Variants in LDAH observed in about 807,000 individuals in gnomAD.
LDAH encodes lipid droplet-associated hydrolase.
Under a neutral mutation model 29.6 loss-of-function variants are expected in LDAH, and 26 were observed. The ratio of observed to expected loss-of-function variants is 0.88; its 90% CI spans 0.64 to 1.22. The LOEUF is 1.22. LDAH is among the 50% of genes most tolerant of loss of function. The pLI is 0.00. For synonymous variants in LDAH, 117 were observed against 133.0 expected (o/e 0.88, Z 0.83); for missense variants, 344 against 387.3 (o/e 0.89, Z 0.94).
chr2:20,803,451 C>T (rs1671860631), intron 1 of LDAH, among the ~76,000 whole-genome samples: 2 of 152,302 alleles, frequency 1.3e-5, no homozygotes, highest in Admixed American at 6.5e-5. Flanking sequence ...ACTGTCCTGC[C>T]CCAAGCTGTA....
Position 20,783,049 on chromosome 2 carries a change from T to C in LDAH, c.298+7206A>G, listed in dbSNP as rs138362248. Among the ~76,000 whole-genome samples, 366 of 152,354 alleles carry C rather than the reference T, an allele frequency of 2.4e-3. 1 individual carries two copies. The highest frequency in any genetic ancestry group is 4.0e-3 in the Non-Finnish European group (270 of 68,016). ...TTTTATTTTGCTCAAAGTATTTTTATGTTACTCTTCAGACTTCACTGACCC... is the reference window on the plus strand; with the variant it reads ...TTTTATTTTGCTCAAAGTATTTTTACGTTACTCTTCAGACTTCACTGACCC... On this transcript the variant is annotated intron_variant, in intron 3 of 6. Transcript: ENST00000237822.
At chr2:20,690,106 G>T (rs1435230046) in intron 6 of LDAH, among the ~76,000 whole-genome samples, 1 of 152,180 alleles carries the variant, frequency 6.6e-6, no homozygotes, top group Non-Finnish European at 1.5e-5. Context: ...GAGAAGTCCA[G>T]CTTGATAAGC....
chr2:20,774,302 G>C (rs1669639992), intron 4 of LDAH, among the ~76,000 whole-genome samples: 1 of 152,158 alleles, frequency 6.6e-6, no homozygotes, highest in Admixed American at 6.5e-5. Flanking sequence ...TTGTGAATAT[G>C]TGTCTCAAAA....
intron 2 of LDAH, among the ~76,000 whole-genome samples, chr2:20,792,967 T>A (rs1671075640): frequency 6.6e-6 from 1 of 152,172 alleles, no homozygotes. Context: ...GTTTTCTCCC[T>A]ATCTCTGGGA....
At chr2:20,755,117 G>C (rs1185731596) in intron 4 of LDAH, among the ~76,000 whole-genome samples, 3 of 114,554 alleles carry the variant, frequency 2.6e-5, no homozygotes, top group Non-Finnish European at 1.8e-5. Flanking sequence ...AAGAAATATT[G>C]TGTGTCTGTG....
chr2:20,783,526 A>T (rs1670346650), intron 3 of LDAH, among the ~76,000 whole-genome samples: 1 of 152,142 alleles, frequency 6.6e-6, no homozygotes, highest in African/African-American at 2.4e-5. Context: ...TGGTTCTATT[A>T]TCATTATGTA....
intron 4 of LDAH, among the ~76,000 whole-genome samples, chr2:20,751,844 T>C (rs1667995592): frequency 6.6e-6 from 1 of 152,218 alleles, no homozygotes; most frequent in Non-Finnish European, 1.5e-5. Flanking sequence ...GAGTGGGATA[T>C]AAAAGAAACA....
intron 5 of LDAH, among the ~76,000 whole-genome samples, chr2:20,702,561 C>T (rs1177197445): frequency 2.0e-5 from 3 of 152,122 alleles, no homozygotes; most frequent in Admixed American, 2.0e-4. Context: ...TTATTTCTGC[C>T]TCTTATCTTT....
chr2:20,731,345 T>C (rs111580768), intron 5 of LDAH, among the ~76,000 whole-genome samples: 3,750 of 152,250 alleles, frequency 0.025, 163 homozygotes, highest in African/African-American at 0.086. Context: ...GTGGCACCTC[T>C]CCCACTTGTC....
chr2:20,813,379 C>T (rs1440618713), intron 1 of LDAH, among the ~76,000 whole-genome samples: 1 of 152,148 alleles, frequency 6.6e-6, no homozygotes, highest in Non-Finnish European at 1.5e-5. Context: ...ATTTTGCTTT[C>T]ATACTTAATA....
At chr2:20,746,252 G>C (rs145480098) in intron 4 of LDAH, among the ~76,000 whole-genome samples, 416 of 152,302 alleles carry the variant, frequency 2.7e-3, no homozygotes, top group African/African-American at 9.4e-3. Context: ...TCAGCTGGCA[G>C]AAACAGGAAA....
intron 5 of LDAH, 53 bp from the exon 6 acceptor site, chr2:20,701,705 A>G: frequency 1.4e-6 from 2 of 1,463,708 alleles, no homozygotes; most frequent in Non-Finnish European, 1.9e-6. Flanking sequence ...AACAAACACA[A>G]ATTTCAAATT....
chr2:20,702,526 G>C (rs1664018646), intron 5 of LDAH, among the ~76,000 whole-genome samples: 1 of 152,094 alleles, frequency 6.6e-6, no homozygotes, highest in South Asian at 2.1e-4. Context: ...CAGTCATCTT[G>C]CTTTATATAC....
At chr2:20,820,970 C>T (rs1267463202) in intron 1 of LDAH, among the ~76,000 whole-genome samples, 3 of 150,190 alleles carry the variant, frequency 2.0e-5, no homozygotes, top group Non-Finnish European at 4.4e-5. Context: ...TGAACAGACA[C>T]TTCTCAAAAG....
chr2:20,763,140 G>C (rs1668804430), intron 4 of LDAH, among the ~76,000 whole-genome samples: 1 of 152,192 alleles, frequency 6.6e-6, no homozygotes, highest in African/African-American at 2.4e-5. Flanking sequence ...TGAACAAGCT[G>C]ATATCAGCAC....
At chr2:20,765,200 AT>A (rs1218593289) in intron 4 of LDAH, among the ~76,000 whole-genome samples, 2 of 152,164 alleles carry the variant, frequency 1.3e-5, no homozygotes. Context: ...TTTGTCTTTC[AT>A]TTTCGACATC....
chr2:20,683,820 T>C (rs145760237), downstream of LDAH, among the ~76,000 whole-genome samples: 3,726 of 152,012 alleles, frequency 0.025, 62 homozygotes, highest in Non-Finnish European at 0.038. Context: ...CCAGGCAACA[T>C]ACTAAATGCT....
chr2:20,710,154 A>G (rs2149371371), intron 5 of LDAH, among the ~76,000 whole-genome samples: 1 of 152,312 alleles, frequency 6.6e-6, no homozygotes, highest in South Asian at 2.1e-4. Flanking sequence ...CAATAAAACA[A>G]TCAAATTGAT....
Position 20,778,331 on chromosome 2 carries a change from CACA to C in LDAH, c.299-3355_299-3353del, listed in dbSNP as rs35505621. On this transcript the variant is annotated intron_variant, in intron 3 of 6. Coordinates refer to ENST00000237822, the MANE Select transcript of LDAH (RefSeq NM_021925.4). ...TCTAGAGTTTATTTCAAAAGGTACA[CACA>C]ACTTGTTCTGAAATAGTTAGTAGAG... 2.6e-3 allele frequency among the ~76,000 whole-genome samples: 400 copies of C among 152,290 alleles called. 16 individuals carry two copies. The East Asian group carries it at 0.073, about 28-fold the overall frequency.
Sources: allele counts gnomAD v4.1 joint callset (sites outside exome capture counted in the v4.1 genomes callset), GRCh38; gene constraint gnomAD v4.1.1; transcripts MANE v1.5; gene names NCBI Gene and HGNC (gene_info 2026-07-23, HGNC 2026-07-21).